SGCD: variants seen among roughly 807,000 people sequenced by gnomAD.
SGCD encodes delta-sarcoglycan.
SGCD carries 18 observed loss-of-function variants against 36.6 expected under a neutral mutation model. That is an observed-to-expected ratio of 0.49 (90% CI 0.34 to 0.73). SGCD has a LOEUF of 0.73. SGCD is among the 30% of genes least tolerant of loss of function. The pLI is 0.01. For missense variants in SGCD, 387 were observed against 346.7 expected (o/e 1.12, Z -0.92); for synonymous variants, 133 against 130.6 (o/e 1.02, Z -0.12).
At chr5:156,084,203 AT>A (rs1278780791) in intron 1 of SGCD, among the ~76,000 whole-genome samples, 2 of 152,214 alleles carry the variant, frequency 1.3e-5, no homozygotes, top group African/African-American at 4.8e-5. Context: ...CACATTTATT[AT>A]GATAAATAGT....
At chr5:156,527,828 C>T (rs1043329535) in intron 4 of SGCD, among the ~76,000 whole-genome samples, 3 of 152,146 alleles carry the variant, frequency 2.0e-5, no homozygotes, top group African/African-American at 4.8e-5. Flanking sequence ...CACAGGGGGC[C>T]GAGGCCCTTG....
At chr5:156,550,788 T>C (rs1166870369) in intron 4 of SGCD, among the ~76,000 whole-genome samples, 5 of 152,204 alleles carry the variant, frequency 3.3e-5, no homozygotes, top group African/African-American at 7.2e-5. Flanking sequence ...CAAAAGAAAG[T>C]CATTTATTAG....
rs551207087 is a variant in SGCD, at chr5:156,461,211, T to C, written c.193-47390T>C. On this transcript the variant is annotated intron_variant, in intron 3 of 8. Transcript: ENST00000337851. ...TAAAAAGCATGTAAAAATGTCAGAA[T>C]ATGTGGTATAAGATGTGTATTGCAT... Among the ~76,000 whole-genome samples, 9 of 152,288 alleles carry C rather than the reference T, an allele frequency of 5.9e-5. No individual in the cohort carries two copies. The South Asian group carries it at 1.7e-3, about 28-fold the overall frequency.
At chr5:156,452,690 ATTAC>A (rs1179169784) in intron 3 of SGCD, among the ~76,000 whole-genome samples, 1 of 152,190 alleles carries the variant, frequency 6.6e-6, no homozygotes, top group Non-Finnish European at 1.5e-5. Flanking sequence ...GGAGTTAGAA[ATTAC>A]TTTTAATAAA....
the SGCD span, among the ~76,000 whole-genome samples, chr5:155,846,335 C>T: frequency 6.6e-6 from 1 of 152,212 alleles, no homozygotes; most frequent in African/African-American, 2.4e-5. Flanking sequence ...ATATCAGCCT[C>T]TTTGCAGTGG....
intron 4 of SGCD, among the ~76,000 whole-genome samples, chr5:156,509,677 C>T (rs995956133): frequency 6.6e-6 from 1 of 152,212 alleles, no homozygotes; most frequent in South Asian, 2.1e-4. Context: ...CAAGCCTTCT[C>T]TGTTAACCAT....
intron 3 of SGCD, among the ~76,000 whole-genome samples, chr5:156,490,734 C>A (rs533546249): frequency 6.6e-5 from 10 of 152,006 alleles, no homozygotes; most frequent in Admixed American, 3.3e-4. Context: ...ATATGACAAA[C>A]CCACAGCTAT....
chr5:156,160,970 T>C (rs1160222315), intron 3 of SGCD, among the ~76,000 whole-genome samples: 2 of 151,728 alleles, frequency 1.3e-5, no homozygotes, highest in South Asian at 2.1e-4. Flanking sequence ...AGAGCAGCCA[T>C]AGACTATACG....
intron 3 of SGCD, among the ~76,000 whole-genome samples, chr5:156,162,204 A>G (rs1224196244): frequency 1.3e-5 from 2 of 151,558 alleles, no homozygotes; most frequent in Non-Finnish European, 2.9e-5. Flanking sequence ...AGTTTTGCAA[A>G]TAAACACAGA....
chr5:155,954,351 A>C (rs772956190), intron 1 of SGCD, among the ~76,000 whole-genome samples: 11 of 152,174 alleles, frequency 7.2e-5, no homozygotes, highest in Non-Finnish European at 1.5e-4. Context: ...TTGCAGAAGT[A>C]TGCACACTTC....
intron 3 of SGCD, among the ~76,000 whole-genome samples, chr5:156,466,288 G>A (rs1431902119): frequency 1.3e-5 from 2 of 152,162 alleles, no homozygotes; most frequent in African/African-American, 4.8e-5. Flanking sequence ...CTTCTACAAA[G>A]ACTCTAGAGA....
chr5:156,554,121 C>A (rs1758906528), intron 4 of SGCD, among the ~76,000 whole-genome samples: 1 of 151,988 alleles, frequency 6.6e-6, no homozygotes, highest in African/African-American at 2.4e-5. Flanking sequence ...TTTGGGAAGC[C>A]AAGGCAGTCA....
intron 1 of SGCD, among the ~76,000 whole-genome samples, chr5:156,021,411 T>C (rs1759094284): frequency 6.6e-6 from 1 of 152,174 alleles, no homozygotes; most frequent in South Asian, 2.1e-4. Flanking sequence ...TCTCATCTAC[T>C]TGGGAAGTTA....
intron 1 of SGCD, among the ~76,000 whole-genome samples, chr5:155,973,812 C>T (rs1432917358): frequency 6.6e-6 from 1 of 152,148 alleles, no homozygotes; most frequent in African/African-American, 2.4e-5. Context: ...AGAGTGCTTG[C>T]AACTGCCATT....
rs1046117431 is a variant in SGCD at position 156,053,058 on chromosome 5, T to C, written c.-281-64820T>C. 9.6e-5 allele frequency among the ~76,000 whole-genome samples: 14 copies of C among 146,590 alleles called. 2 individuals carry two copies. Among genetic ancestry groups the C allele is most frequent in the Non-Finnish European group, 1.8e-4 (12 of 64,948 alleles). Reference sequence around the variant, plus strand: ...CCCCCAAGGTTATTGGAGCCCCTGATCCAGGACACACTTGATACTTGAATT... The same window carrying C: ...CCCCCAAGGTTATTGGAGCCCCTGACCCAGGACACACTTGATACTTGAATT... On this transcript the variant is annotated intron_variant, in intron 1 of 9. Coordinates refer to the SGCD transcript ENST00000517913.
intron 2 of SGCD, among the ~76,000 whole-genome samples, chr5:156,339,338 C>T (rs778100570): frequency 3.3e-5 from 5 of 152,130 alleles, no homozygotes; most frequent in East Asian, 3.8e-4. Flanking sequence ...AGTTTTATGA[C>T]GAAGTAATGC....
intron 1 of SGCD, among the ~76,000 whole-genome samples, chr5:155,974,644 A>G (rs900139416): frequency 6.6e-6 from 1 of 151,856 alleles, no homozygotes; most frequent in African/African-American, 2.4e-5. Flanking sequence ...CCCAGACATC[A>G]TAGGTGGGGA....
chr5:156,137,583 C>T lies in SGCD; in HGVS notation c.-44+13564C>T, dbSNP rs376547052. 1.4e-4 allele frequency among the ~76,000 whole-genome samples: 22 copies of T among 152,094 alleles called. No homozygotes were observed. The South Asian group carries it at 4.6e-3, about 32-fold the overall frequency. ...ATTCGACTATTTAAAATGTGTTTAG[C>T]ATTATACTAGATTAAAAATATGTGA... is the stretch of plus-strand genomic sequence containing the variant. On this transcript the variant is annotated intron_variant, in intron 3 of 9. Coordinates refer to the SGCD transcript ENST00000517913.
chr5:156,145,359 A>G (rs1056612389), intron 3 of SGCD, among the ~76,000 whole-genome samples: 6 of 152,172 alleles, frequency 3.9e-5, no homozygotes, highest in African/African-American at 1.4e-4. Context: ...TGCTTTCTGT[A>G]CAGCCTACAG....
Sources: gnomAD v4.1 joint callset for allele counts (sites outside exome capture counted in the v4.1 genomes callset) on GRCh38, gnomAD v4.1.1 for gene constraint, MANE v1.5 for transcripts, NCBI Gene and HGNC (gene_info 2026-07-23, HGNC 2026-07-21) for gene names.